Variants in DDX11 observed in about 807,000 individuals in gnomAD.
DDX11 encodes the protein DEAD/H-box helicase 11.
DDX11 carries 72 observed loss-of-function variants against 125.2 expected under a neutral mutation model. The ratio of observed to expected loss-of-function variants is 0.58; its 90% confidence interval spans 0.48 to 0.70. DDX11 has a LOEUF of 0.70. Ranked by LOEUF, DDX11 falls within the 30% of genes least tolerant of loss-of-function variation. The pLI, the probability that DDX11 is intolerant of heterozygous loss-of-function variation, is 0.00. For missense variants in DDX11, 883 were observed against 1,165.0 expected (o/e 0.76, Z 3.52); for synonymous variants, 347 against 452.6 (o/e 0.77, Z 2.96).
Position 31,084,063 on chromosome 12 carries a change from T to C in DDX11, c.393+2T>C, listed in dbSNP as rs1942543138. 4 of 1,613,810 alleles carry C rather than the reference T, an allele frequency of 2.5e-6. No homozygotes were observed. Among genetic ancestry groups the C allele is most frequent in the Non-Finnish European group, 8.5e-7 (1 of 1,179,822 alleles). ...AGGGACCTGGTGGACCGACTAAAGG[T>C]GAGACCTGGGGTATCCGGAAGTGGG... On this transcript the variant is annotated splice_donor_variant, in intron 3 of 26. Transcript: ENST00000542838. LOFTEE classifies it high-confidence loss of function.
Position 31,083,845 on chromosome 12 carries a change from C to G in DDX11, c.177C>G (p.Leu59=). 6.2e-7 allele frequency: 1 copy of G among 1,612,350 alleles called. No individual in the cohort carries two copies. Among genetic ancestry groups the G allele is most frequent in the Non-Finnish European group, 8.5e-7 (1 of 1,179,864 alleles). The stretch of plus-strand genomic sequence containing the variant: ...CCTTAAGTCTTATTTGTGGGGCCCT[C>G]TCTTGGCTCCGTGACTTTGAACAGA... ...GKSLSLICGA[L]SWLRDFEQKK... is the part of the protein sequence containing the mutation. The change falls in exon 3 of 27, where the codon CTC becomes CTG. Residue 59 remains leucine (L), a synonymous_variant. Transcript: ENST00000542838.
intron 5 of DDX11, chr12:31,087,737 C>T (rs1943408433): frequency 3.4e-6 from 3 of 872,990 alleles, no homozygotes; most frequent in African/African-American, 3.3e-5. Flanking sequence ...TTACATTTCC[C>T]TACCCACAGA....
At chr12:31,077,844 G>GAAAA in intron 1 of DDX11, 1 of 172,860 alleles carries the variant, frequency 5.8e-6, no homozygotes, top group Non-Finnish European at 1.2e-5. Flanking sequence ...ACTCTGTCTC[G>GAAAA]AAAAAAAAAA....
chr12:31,090,222 C>T (rs1197856081), intron 9 of DDX11, 128 bp downstream of exon 9: 1 of 855,392 alleles, frequency 1.2e-6, no homozygotes, highest in Admixed American at 2.0e-5. Flanking sequence ...GCACCTTAAC[C>T]CATTCTCTCC....
chr12:31,103,166 C>T (rs1946695256), intron 24 of DDX11, 146 bp downstream of exon 24: 22 of 1,319,182 alleles, frequency 1.7e-5, no homozygotes, highest in Admixed American at 5.9e-5. Flanking sequence ...CCTCCACACC[C>T]TCTTGATCTT....
chr12:31,101,317 C>G (rs1220759667), intron 20 of DDX11, 187 bp downstream of exon 20: 33 of 641,524 alleles, frequency 5.1e-5, no homozygotes, highest in Non-Finnish European at 7.3e-5. Context: ...TCTGAGCTTC[C>G]CCGCCCCTCA....
At chr12:31,087,322 G>A (rs575360339) in intron 5 of DDX11, among the ~76,000 whole-genome samples, 26 of 151,808 alleles carry the variant, frequency 1.7e-4, no homozygotes, top group Admixed American at 3.3e-4. Flanking sequence ...GTGAGGCCAC[G>A]GGGACTCAGC....
chr12:31,099,294 C>T (rs927754988), intron 18 of DDX11, among the ~76,000 whole-genome samples: 3 of 151,824 alleles, frequency 2.0e-5, no homozygotes, highest in African/African-American at 7.3e-5. Flanking sequence ...ACCATGTTGG[C>T]CAGGCTGGTC....
At chr12:31,095,076 TCTCA>T (rs1418764047) in intron 14 of DDX11, among the ~76,000 whole-genome samples, 1 of 152,190 alleles carries the variant, frequency 6.6e-6, no homozygotes, top group Non-Finnish European at 1.5e-5. Context: ...GTCCTTGCTC[TCTCA>T]CTCCGTCTTC....
chr12:31,096,621 C>A lies in DDX11; in HGVS notation c.1522-16C>A, dbSNP rs200507494. The A allele has an allele frequency of 3.8e-4, 612 of 1,612,694 alleles. 2 individuals carry two copies. Among genetic ancestry groups the A allele is most frequent in the South Asian group, 2.1e-3 (191 of 90,972 alleles). On this transcript the variant is annotated splice_polypyrimidine_tract_variant and intron_variant, in intron 15 of 26. Transcript: ENST00000542838. Reference sequence around the variant, plus strand: ...GTACCTCGTTCCTCTCCACTGCTCTCTCTCATCCCACCCAGCTCTTTGGAT... The same window carrying A: ...GTACCTCGTTCCTCTCCACTGCTCTATCTCATCCCACCCAGCTCTTTGGAT...
intron 2 of DDX11, among the ~76,000 whole-genome samples, chr12:31,082,636 C>G (rs1394795230): frequency 6.6e-6 from 1 of 152,024 alleles, no homozygotes; most frequent in East Asian, 1.9e-4. Flanking sequence ...CTCCCCTGAG[C>G]TGAGTTCCCC....
At position 31,101,838 on chromosome 12, in the gene DDX11, C is replaced by T. The variant is rs767656949; in HGVS notation, c.2058C>T (p.Asp686=). ...TCCCTCCTTTCCTTCCTTAGATGGA[C>T]GAGGTGGGTCGCATTCTCTGTAACC... ...FQKRELPQMM[D]EVGRILCNLC... The change falls in exon 21 of 27, where the codon GAC becomes GAT. Residue 686 remains aspartate, a synonymous_variant. Transcript: ENST00000542838. 9.9e-6 allele frequency: 16 copies of T among 1,613,834 alleles called. No homozygotes were observed. The highest frequency in any genetic ancestry group is 1.6e-4 in the Middle Eastern group (1 of 6,078).
Position 31,103,559 on chromosome 12 carries a change from G to A in DDX11, c.2537-18G>A. 6.2e-7 allele frequency: 1 copy of A among 1,613,866 alleles called. No individual in the cohort carries two copies. Reference sequence around the variant, plus strand: ...GAGGCAGGTGTTGCTCGGAGCCCCAGCCTCTGTTCCTATGCAGGCAGGGCC... The same window carrying A: ...GAGGCAGGTGTTGCTCGGAGCCCCAACCTCTGTTCCTATGCAGGCAGGGCC... On this transcript the variant is annotated intron_variant, in intron 25 of 26. Transcript: ENST00000542838.
chr12:31,090,131 T>G, intron 9 of DDX11, 37 bp downstream of exon 9: 1 of 1,548,582 alleles, frequency 6.5e-7, no homozygotes, highest in East Asian at 2.4e-5. Flanking sequence ...CGCTCTTGAC[T>G]CTCACTGTGG....
Position 31,087,918 on chromosome 12 carries a change from G to C in DDX11, c.639-20G>C, listed in dbSNP as rs1943443494. The stretch of plus-strand genomic sequence containing the variant: ...GTTTGCTGAGGGAAGACTGTTTTCT[G>C]TTCTCTCTCACACACACAGAGTGGA... On this transcript the variant is annotated intron_variant, in intron 5 of 26. Transcript: ENST00000542838. 1.9e-6 allele frequency: 3 copies of C among 1,607,378 alleles called. No homozygotes were observed. Among genetic ancestry groups the C allele is most frequent in the South Asian group, 1.1e-5 (1 of 89,584 alleles).
In DDX11 at chr12:31,104,036, A is replaced by G. The variant is rs1197656085; in HGVS notation, c.*200A>G. The stretch of plus-strand genomic sequence containing the variant: ...GAAAATGGGGGAATCCTGAATGAAC[A>G]GTGGGTCCTGGCTGTCCTTGGGGCG... On this transcript the variant is annotated 3_prime_UTR_variant, in exon 27 of 27. Transcript: ENST00000542838. 1.9e-6 allele frequency: 3 copies of G among 1,550,634 alleles called. No homozygotes were observed. The highest frequency in any genetic ancestry group is 2.6e-6 in the Non-Finnish European group (3 of 1,146,736).
In DDX11 at chr12:31,103,719, T is replaced by G. The variant is rs762280969; in HGVS notation, c.2679T>G (p.Ala893=). ...EVKATFGPAI[A]AVQKFHREKS... is the part of the protein sequence containing the mutation. ...AAGCTACCTTTGGCCCCGCCATTGCTGCTGTGCAGAAGGTCAGTCCTACCT... is the reference window on the plus strand; with the variant it reads ...AAGCTACCTTTGGCCCCGCCATTGCGGCTGTGCAGAAGGTCAGTCCTACCT... The change falls in exon 26 of 27, where the codon GCT becomes GCG. Residue 893 remains alanine (A), a synonymous_variant. Transcript: ENST00000542838. 1 of 1,613,714 alleles carries G rather than the reference T, an allele frequency of 6.2e-7. No homozygotes were observed. Among genetic ancestry groups the G allele is most frequent in the African/African-American group, 1.3e-5 (1 of 74,916 alleles).
At chr12:31,083,108 A>G (rs1460155623) in intron 2 of DDX11, among the ~76,000 whole-genome samples, 1 of 152,156 alleles carries the variant, frequency 6.6e-6, no homozygotes, top group Non-Finnish European at 1.5e-5. Flanking sequence ...CAACTCAATC[A>G]GGCTTATGGA....
chr12:31,093,453 C>T lies in DDX11; in HGVS notation c.1369+129C>T, dbSNP rs181613753. ...AGGGTCGGCCGGGTGCGGTGGCTCA[C>T]GCCTGTAATCCCAGCACTTGGGAGG... On this transcript the variant is annotated intron_variant, in intron 12 of 26. Transcript: ENST00000542838. The T allele has an allele frequency of 2.1e-4, 264 of 1,252,758 alleles. 1 individual carries two copies. In the African/African-American group the frequency reaches 3.1e-3, roughly 15 times the overall value. 77.6% of individuals were successfully genotyped at this position (1,252,758 alleles called of 1,614,324 possible).
Sources: allele counts gnomAD v4.1 joint callset (sites outside exome capture counted in the v4.1 genomes callset), GRCh38; gene constraint gnomAD v4.1.1; transcripts MANE v1.5; gene names NCBI Gene and HGNC (gene_info 2026-07-23, HGNC 2026-07-21).